OR51B5: variants seen among roughly 807,000 people sequenced by gnomAD.
The protein encoded by OR51B5 is olfactory receptor 51B5.
For synonymous variants in OR51B5, 186 were observed against 144.8 expected (o/e 1.28, Z -2.04); for missense variants, 456 against 374.6 (o/e 1.22, Z -1.79).
intron 1 of OR51B5, among the ~76,000 whole-genome samples, chr11:5,367,149 C>T (rs1410434243): frequency 2.2e-5 from 3 of 135,346 alleles, no homozygotes; most frequent in Non-Finnish European, 1.6e-5. Flanking sequence ...CACTTAGTGA[C>T]ACAGAGTTTT....
chr11:5,489,449 T>A (rs573814984), intron 1 of OR51B5: 3 of 1,614,088 alleles, frequency 1.9e-6, no homozygotes, highest in African/African-American at 2.7e-5. Context: ...GGCTCCCACA[T>A]TGGCATCATC....
chr11:5,492,026 C>T (rs762938710), intron 1 of OR51B5, among the ~76,000 whole-genome samples: 3 of 152,194 alleles, frequency 2.0e-5, no homozygotes, highest in Non-Finnish European at 4.4e-5. Context: ...ACCTCAGAAT[C>T]TTGACCTATT....
chr11:5,396,957 G>C (rs1375047703), intron 1 of OR51B5, among the ~76,000 whole-genome samples: 8 of 152,278 alleles, frequency 5.3e-5, no homozygotes, highest in Middle Eastern at 3.4e-3. Flanking sequence ...ATGGGGAAAG[G>C]ATTCCCTGTT....
chr11:5,453,489 A>G (rs1850888810), intron 1 of OR51B5: 1 of 1,532,418 alleles, frequency 6.5e-7, no homozygotes, highest in Non-Finnish European at 8.8e-7. Flanking sequence ...TTGTTTTGCT[A>G]TGGGGTTGTT....
At chr11:5,392,851 G>A (rs1208415009) in intron 1 of OR51B5, 1 of 152,170 alleles carries the variant, frequency 6.6e-6, no homozygotes, top group African/African-American at 2.4e-5. Context: ...GGTGGAGCTT[G>A]CAGTGAGCCG....
chr11:5,421,462 T>C (rs1850336219), intron 1 of OR51B5, among the ~76,000 whole-genome samples: 1 of 152,240 alleles, frequency 6.6e-6, no homozygotes, highest in Non-Finnish European at 1.5e-5. Context: ...AGTGCCTAAA[T>C]GTAGATAGTA....
intron 1 of OR51B5, chr11:5,440,528 C>CA (rs1850661775): frequency 7.0e-7 from 1 of 1,438,314 alleles, no homozygotes; most frequent in African/African-American, 1.4e-5. Flanking sequence ...TAACATGTCC[C>CA]AATCCTTCCT....
At chr11:5,498,711 A>G (rs1666123251) in intron 1 of OR51B5, among the ~76,000 whole-genome samples, 1 of 152,046 alleles carries the variant, frequency 6.6e-6, no homozygotes, top group African/African-American at 2.4e-5. Context: ...CTTAAGATAC[A>G]CCATGCATGC....
chr11:5,370,428 A>C (rs1849430457), intron 1 of OR51B5, among the ~76,000 whole-genome samples: 1 of 152,194 alleles, frequency 6.6e-6, no homozygotes, highest in South Asian at 2.1e-4. Context: ...ATTAAATTCA[A>C]ATCTTCAGAG....
chr11:5,443,086 A>T (rs551956132), intron 1 of OR51B5, among the ~76,000 whole-genome samples: 1 of 152,172 alleles, frequency 6.6e-6, no homozygotes, highest in East Asian at 1.9e-4. Context: ...AAGTCACACC[A>T]TAAGAGACTT....
At chr11:5,351,607 A>AT (rs1849088688) in intron 1 of OR51B5, 2 of 1,614,008 alleles carry the variant, frequency 1.2e-6, no homozygotes, top group East Asian at 2.2e-5. Flanking sequence ...GGCAGCCTAC[A>AT]TCTCCATACT....
chr11:5,416,463 A>G (rs1327201130), intron 1 of OR51B5, among the ~76,000 whole-genome samples: 4 of 152,114 alleles, frequency 2.6e-5, no homozygotes, highest in Non-Finnish European at 4.4e-5. Flanking sequence ...AGAGTATTCA[A>G]TTAGGAAAAG....
At chr11:5,470,025 G>C (rs1851203719) in intron 1 of OR51B5, among the ~76,000 whole-genome samples, 1 of 152,084 alleles carries the variant, frequency 6.6e-6, no homozygotes, top group Non-Finnish European at 1.5e-5. Flanking sequence ...GACTCTCTTG[G>C]TTTTGCCTTT....
chr11:5,434,177 C>T (rs1057266485), intron 1 of OR51B5, among the ~76,000 whole-genome samples: 2 of 152,134 alleles, frequency 1.3e-5, no homozygotes. Flanking sequence ...TGTTTTAAAG[C>T]TCCTCAGATG....
At chr11:5,402,585 T>C (rs377635132) in intron 1 of OR51B5, 8 of 465,232 alleles carry the variant, frequency 1.7e-5, no homozygotes, top group Non-Finnish European at 3.1e-5. Flanking sequence ...TCCCTGAGGA[T>C]GATATGTCAA....
chr11:5,401,988 C>A (rs770539323), intron 1 of OR51B5, among the ~76,000 whole-genome samples: 9 of 150,236 alleles, frequency 6.0e-5, no homozygotes, highest in African/African-American at 1.7e-4. Context: ...CCCTCCCTCC[C>A]GCTTGCTGTT....
intron 1 of OR51B5, among the ~76,000 whole-genome samples, chr11:5,401,268 GGTAA>G (rs1348358709): frequency 9.2e-5 from 14 of 152,206 alleles, no homozygotes; most frequent in African/African-American, 3.4e-4. Flanking sequence ...CAATGGATAA[GGTAA>G]GTTTCTTTGA....
downstream of OR51B5, among the ~76,000 whole-genome samples, chr11:5,341,647 T>C (rs972168437): frequency 2.0e-5 from 3 of 152,172 alleles, no homozygotes; most frequent in African/African-American, 4.8e-5. Flanking sequence ...TTTACACTTA[T>C]TACATGGAAT....
intron 1 of OR51B5, chr11:5,468,782 G>GA: frequency 2.2e-6 from 1 of 455,236 alleles, no homozygotes; most frequent in Non-Finnish European, 4.4e-6. Context: ...GATGAGCAGT[G>GA]AATCTACACC....
Sources: gnomAD v4.1 joint callset for allele counts (sites outside exome capture counted in the v4.1 genomes callset) on GRCh38, gnomAD v4.1.1 for gene constraint, MANE v1.5 for transcripts, NCBI Gene and HGNC (gene_info 2026-07-23, HGNC 2026-07-21) for gene names.